Variants in DLG2 observed in about 807,000 individuals in gnomAD.
The protein encoded by DLG2 is disks large homolog 2.
A neutral mutation model predicts 132.5 loss-of-function variants in DLG2; 45 were observed. The observed-to-expected ratio is 0.34, with a 90% CI of 0.27 to 0.44. DLG2 has a LOEUF of 0.44. DLG2 is among the 20% of genes least tolerant of loss of function. The probability of loss-of-function intolerance (pLI) is 1.00; values close to 1 mark genes in which losing one functional copy is unlikely to be tolerated. For synonymous variants in DLG2, 424 were observed against 419.6 expected (o/e 1.01, Z -0.13); for missense variants, 1,045 against 1,196.9 (o/e 0.87, Z 1.87).
intron 14 of DLG2, among the ~76,000 whole-genome samples, chr11:83,955,765 A>G (rs1253983579): frequency 1.3e-5 from 2 of 152,190 alleles, no homozygotes; most frequent in African/African-American, 4.8e-5. Context: ...AGGAACATGG[A>G]AAGACTAGAC....
At chr11:84,355,256 A>G (rs974664083) in intron 7 of DLG2, among the ~76,000 whole-genome samples, 21 of 151,956 alleles carry the variant, frequency 1.4e-4, no homozygotes, top group African/African-American at 4.8e-4. Context: ...GAGGAAAGAG[A>G]TTATATGAAG....
intron 8 of DLG2, among the ~76,000 whole-genome samples, chr11:84,238,939 T>C (rs1485072232): frequency 1.3e-5 from 2 of 152,152 alleles, no homozygotes; most frequent in Non-Finnish European, 2.9e-5. Context: ...AGTTAAACTA[T>C]AAAGAGCCAA....
chr11:83,566,158 A>C (rs1202952642), intron 19 of DLG2, among the ~76,000 whole-genome samples: 1 of 152,242 alleles, frequency 6.6e-6, no homozygotes, highest in Non-Finnish European at 1.5e-5. Flanking sequence ...CCTTTTAGTC[A>C]TTGTATAAAA....
intron 7 of DLG2, among the ~76,000 whole-genome samples, chr11:84,491,239 G>A (rs1266521547): frequency 6.6e-6 from 1 of 152,058 alleles, no homozygotes; most frequent in Non-Finnish European, 1.5e-5. Flanking sequence ...GGAGATAAGT[G>A]AATCAGGGGC....
chr11:85,537,456 AG>A (rs2075669633), intron 3 of DLG2, among the ~76,000 whole-genome samples: 1 of 152,118 alleles, frequency 6.6e-6, no homozygotes, highest in Non-Finnish European at 1.5e-5. Context: ...TCACTCCTGA[AG>A]CCAGTGAGAC....
At chr11:84,465,672 A>C (rs1331574592) in intron 7 of DLG2, among the ~76,000 whole-genome samples, 1 of 151,304 alleles carries the variant, frequency 6.6e-6, no homozygotes, top group Non-Finnish European at 1.5e-5. Context: ...TTTTAACAAA[A>C]TAATCATTTT....
chr11:84,824,057 A>C (rs1197186390), intron 6 of DLG2, among the ~76,000 whole-genome samples: 1 of 151,914 alleles, frequency 6.6e-6, no homozygotes, highest in Non-Finnish European at 1.5e-5. Flanking sequence ...TGGGGGTTTC[A>C]ACAGCATTCT....
At chr11:85,285,074 T>A in intron 4 of DLG2, 146 bp downstream of exon 4, 1 of 628,928 alleles carries the variant, frequency 1.6e-6, no homozygotes, top group Non-Finnish European at 2.5e-6. Flanking sequence ...AATTTTCATA[T>A]ATGAAAATTG....
At chr11:83,581,182 T>A (rs2096968959) in intron 19 of DLG2, among the ~76,000 whole-genome samples, 1 of 152,040 alleles carries the variant, frequency 6.6e-6, no homozygotes, top group Non-Finnish European at 1.5e-5. Context: ...CACACAACTC[T>A]AATCCTGCCC....
At chr11:84,522,958 C>T (rs917850399) in intron 7 of DLG2, among the ~76,000 whole-genome samples, 1 of 152,164 alleles carries the variant, frequency 6.6e-6, no homozygotes, top group African/African-American at 2.4e-5. Flanking sequence ...ATGTCCCCAA[C>T]TCATTTGCTA....
intron 6 of DLG2, among the ~76,000 whole-genome samples, chr11:85,019,727 TC>T (rs1355136355): frequency 1.3e-5 from 2 of 152,206 alleles, no homozygotes; most frequent in African/African-American, 4.8e-5. Context: ...TGTTTGGTTT[TC>T]TGTCTTTGTG....
At chr11:83,611,055 A>G (rs2060041728) in intron 19 of DLG2, among the ~76,000 whole-genome samples, 1 of 152,150 alleles carries the variant, frequency 6.6e-6, no homozygotes, top group Non-Finnish European at 1.5e-5. Context: ...ATGGTCTTTT[A>G]TTTTCCACAA....
At chr11:83,591,060 G>T (rs2097179252) in intron 19 of DLG2, among the ~76,000 whole-genome samples, 1 of 152,180 alleles carries the variant, frequency 6.6e-6, no homozygotes, top group Non-Finnish European at 1.5e-5. Flanking sequence ...TCTATCAGAG[G>T]TACAAGGAGG....
chr11:85,339,246 A>G (rs1055756352), intron 3 of DLG2, among the ~76,000 whole-genome samples: 1 of 152,224 alleles, frequency 6.6e-6, no homozygotes, highest in East Asian at 1.9e-4. Context: ...TAGCTTATGT[A>G]GTTGCTCTCC....
intron 3 of DLG2, among the ~76,000 whole-genome samples, chr11:85,430,897 G>T (rs936110583): frequency 1.3e-5 from 2 of 150,440 alleles, no homozygotes; most frequent in African/African-American, 4.9e-5. Context: ...ACTTGAATCT[G>T]GGAGGCAGAG....
chr11:85,116,299 T>C (rs2073564404), intron 5 of DLG2, among the ~76,000 whole-genome samples: 1 of 151,902 alleles, frequency 6.6e-6, no homozygotes, highest in South Asian at 2.1e-4. Context: ...CAATATACTC[T>C]CTAGCACATC....
chr11:84,677,508 C>T (rs763423934), intron 6 of DLG2, among the ~76,000 whole-genome samples: 10 of 151,996 alleles, frequency 6.6e-5, no homozygotes, highest in Non-Finnish European at 1.3e-4. Context: ...CTTACAAATC[C>T]TTCCTTATAA....
At position 83,627,455 on chromosome 11, in the gene DLG2, G is replaced by C. The variant is rs139526284; in HGVS notation, c.1940+5756C>G. On this transcript the variant is annotated intron_variant, in intron 19 of 27. Coordinates refer to ENST00000376104, the MANE Select transcript of DLG2 (RefSeq NM_001142699.3). ...TTCAATTCCCACCTATGAGTGAGAA[G>C]ATGCGGTGTTTGGTTTTCTGTCCTT... Among the ~76,000 whole-genome samples the C allele has an allele frequency of 5.2e-3, 785 of 151,998 alleles. 44 individuals are homozygous for C. The East Asian group carries it at 0.12, about 24-fold the overall frequency.
chr11:83,528,078 G>A (rs1407799570), intron 21 of DLG2, among the ~76,000 whole-genome samples: 2 of 152,098 alleles, frequency 1.3e-5, no homozygotes, highest in Non-Finnish European at 2.9e-5. Flanking sequence ...TTGCTATCTG[G>A]GGCACTGAGA....
Sources: allele counts gnomAD v4.1 joint callset (sites outside exome capture counted in the v4.1 genomes callset), GRCh38; gene constraint gnomAD v4.1.1; transcripts MANE v1.5; gene names NCBI Gene and HGNC (gene_info 2026-07-23, HGNC 2026-07-21).